The following SCRG1 variants were observed in gnomAD, a reference collection of about 807,000 sequenced individuals.
The protein encoded by SCRG1 is scrapie-responsive protein 1.
A neutral mutation model predicts 7.7 loss-of-function variants in SCRG1; 3 were observed. That is an observed-to-expected ratio of 0.39 (90% CI 0.18 to 1.01). The LOEUF (loss-of-function observed/expected upper bound fraction) is 1.01, where lower values mean the gene tolerates loss of function less well. Among genes scored for constraint, SCRG1 ranks in the 50% least tolerant of loss-of-function variants. The pLI is 0.36. For synonymous variants in SCRG1, 46 were observed against 41.2 expected (o/e 1.12, Z -0.44); for missense variants, 110 against 117.2 (o/e 0.94, Z 0.28).
chr4:173,436,755 A>C, the SCRG1 span, among the ~76,000 whole-genome samples: 5 of 152,174 alleles, frequency 3.3e-5, no homozygotes, highest in Non-Finnish European at 7.3e-5. Flanking sequence ...CCTGTTTTTC[A>C]GTAAGGGAGT....
chr4:173,466,554 G>T, the SCRG1 span, among the ~76,000 whole-genome samples: 399 of 152,268 alleles, frequency 2.6e-3, 1 homozygote, highest in African/African-American at 8.9e-3. Flanking sequence ...TAGAGGCAAT[G>T]CTGGGTTTGG....
the SCRG1 span, among the ~76,000 whole-genome samples, chr4:173,483,319 C>CATATATGATATATTATATATTACATATG: frequency 4.3e-5 from 1 of 23,174 alleles, no homozygotes; most frequent in Non-Finnish European, 8.0e-5. Flanking sequence ...TATTACATAT[C>CATATATGATATATTATATATTACATATG]ATATATTATA....
the SCRG1 span, among the ~76,000 whole-genome samples, chr4:173,513,552 T>A: frequency 2.0e-5 from 3 of 152,200 alleles, 1 homozygote; most frequent in South Asian, 6.2e-4. Context: ...AAAGGTCTTG[T>A]CCTCTTAGTA....
the SCRG1 span, among the ~76,000 whole-genome samples, chr4:173,483,991 T>C: frequency 1.6e-5 from 1 of 63,446 alleles, no homozygotes; most frequent in Non-Finnish European, 3.2e-5. Context: ...GTATATTATA[T>C]ATGATATATA....
chr4:173,480,309 G>A, the SCRG1 span, among the ~76,000 whole-genome samples: 1 of 151,988 alleles, frequency 6.6e-6, no homozygotes, highest in Non-Finnish European at 1.5e-5. Context: ...TATAAGACAG[G>A]CTTAGTACAG....
At chr4:173,499,178 C>T in the SCRG1 span, among the ~76,000 whole-genome samples, 1 of 152,132 alleles carries the variant, frequency 6.6e-6, no homozygotes, top group Non-Finnish European at 1.5e-5. The surrounding 1 kb of genome is among the most constrained non-coding windows in gnomAD (Gnocchi z 4.1). Context: ...TCCATTTAAT[C>T]GAAGAGGCTA....
chr4:173,425,056 T>C, the SCRG1 span, among the ~76,000 whole-genome samples: 1,369 of 152,284 alleles, frequency 9.0e-3, 23 homozygotes, highest in African/African-American at 0.03. Flanking sequence ...CCTATGCCAA[T>C]CATTGGGAAG....
chr4:173,465,551 C>T, the SCRG1 span, among the ~76,000 whole-genome samples: 1 of 151,922 alleles, frequency 6.6e-6, no homozygotes, highest in Non-Finnish European at 1.5e-5. Flanking sequence ...GGATGTCCCT[C>T]CTGTGATATC....
upstream of SCRG1, among the ~76,000 whole-genome samples, chr4:173,400,139 A>C (rs532711168): frequency 2.6e-5 from 4 of 152,322 alleles, no homozygotes; most frequent in Non-Finnish European, 4.4e-5. Context: ...TGAAAGAAGG[A>C]TGGTTTCCTG....
At chr4:173,458,368 A>C in the SCRG1 span, among the ~76,000 whole-genome samples, 1 of 152,344 alleles carries the variant, frequency 6.6e-6, no homozygotes, top group Middle Eastern at 3.4e-3. Context: ...TAGTAACCAC[A>C]TCAAAAATAA....
chr4:173,420,036 T>C, the SCRG1 span: 14 of 641,504 alleles, frequency 2.2e-5, no homozygotes, highest in South Asian at 8.8e-5. Context: ...TCACCAAGCA[T>C]TTCTGAGCAT....
At chr4:173,509,246 T>C in the SCRG1 span, among the ~76,000 whole-genome samples, 1 of 152,048 alleles carries the variant, frequency 6.6e-6, no homozygotes, top group African/African-American at 2.4e-5. This position sits in a 1 kb window ranked among gnomAD's most constrained non-coding sequence, Gnocchi z 5.7. Context: ...CGCGCGCGCG[T>C]GCGGGAGCTT....
chr4:173,499,518 T>C, the SCRG1 span, among the ~76,000 whole-genome samples: 10 of 152,198 alleles, frequency 6.6e-5, no homozygotes, highest in Non-Finnish European at 1.3e-4. The surrounding 1 kb of genome is among the most constrained non-coding windows in gnomAD (Gnocchi z 4.1). Context: ...ATTTAAAAAG[T>C]GGTTTGACAG....
chr4:173,489,838 T>C, the SCRG1 span, among the ~76,000 whole-genome samples: 1 of 152,240 alleles, frequency 6.6e-6, no homozygotes, highest in Admixed American at 6.5e-5. Flanking sequence ...GTGTGGTATC[T>C]GTAAAAGGTC....
chr4:173,477,607 T>C, the SCRG1 span, among the ~76,000 whole-genome samples: 1 of 152,154 alleles, frequency 6.6e-6, no homozygotes, highest in Non-Finnish European at 1.5e-5. Flanking sequence ...GTTGAATAAA[T>C]ATAATTAAGC....
chr4:173,477,387 C>T, the SCRG1 span, among the ~76,000 whole-genome samples: 1 of 152,120 alleles, frequency 6.6e-6, no homozygotes, highest in Non-Finnish European at 1.5e-5. Context: ...AAATTTCCCT[C>T]CCATCTTCTT....
At chr4:173,406,894 G>C (rs75876629), upstream of SCRG1, among the ~76,000 whole-genome samples, 1 of 151,982 alleles carries the variant, frequency 6.6e-6, no homozygotes, top group Non-Finnish European at 1.5e-5. Context: ...TCTTGGTTGC[G>C]TACAGTTTTG....
chr4:173,421,574 G>A, the SCRG1 span, among the ~76,000 whole-genome samples: 1 of 152,174 alleles, frequency 6.6e-6, no homozygotes, highest in Non-Finnish European at 1.5e-5. Flanking sequence ...ACGAGGGGAT[G>A]TTAATTCTGG....
At chr4:173,416,947 C>T in the SCRG1 span, among the ~76,000 whole-genome samples, 1 of 130,996 alleles carries the variant, frequency 7.6e-6, no homozygotes, top group Non-Finnish European at 1.7e-5. Flanking sequence ...CACACACACA[C>T]ACACACAGTC....
Sources: allele counts gnomAD v4.1 joint callset (sites outside exome capture counted in the v4.1 genomes callset), GRCh38; gene constraint gnomAD v4.1.1; non-coding constraint Gnocchi (gnomAD v3.1); transcripts MANE v1.5; gene names NCBI Gene and HGNC (gene_info 2026-07-23, HGNC 2026-07-21).